USP9X: variants seen among roughly 807,000 people sequenced by gnomAD.
USP9X encodes the protein ubiquitin specific peptidase 9 X-linked.
In USP9X, 7 loss-of-function variants were observed where a neutral mutation model predicts 190.3. That is an observed-to-expected ratio of 0.04 (90% CI 0.02 to 0.07). The LOEUF is 0.07. Among genes scored for constraint, USP9X ranks in the 10% least tolerant of loss-of-function variants. USP9X has a pLI of 1.00. For missense variants in USP9X, 1,010 were observed against 1,916.9 expected (o/e 0.53, Z 8.83); for synonymous variants, 645 against 659.5 (o/e 0.98, Z 0.34).
At position 41,230,560 on chromosome X, in the gene USP9X, A is replaced by G; in HGVS notation, c.7491A>G (p.Pro2497=). The change falls in exon 44 of 45, where the codon CCA becomes CCG. Residue 2497 remains proline, a synonymous_variant. Transcript: ENST00000378308. ...EHESPPPEDA[P]LYPHSPGSQY... ...AGTCGCCTCCACCTGAAGATGCCCC[A>G]TTGTACCCCCATTCACCTGGATCTC... The G allele has an allele frequency of 1.7e-6, 2 of 1,211,221 alleles. No individual in the cohort carries two copies. The highest frequency in any genetic ancestry group is 1.1e-6 in the Non-Finnish European group (1 of 895,162).
intron 38 of USP9X, among the ~76,000 whole-genome samples, chrX:41,219,710 G>A (rs1028842923): frequency 8.9e-6 from 1 of 112,139 alleles, no homozygotes; most frequent in South Asian, 3.7e-4. Context: ...TTTAGGGGCC[G>A]GGCACAATGG....
At chrX:41,197,151 C>T (rs1194803101) in intron 28 of USP9X, among the ~76,000 whole-genome samples, 2 of 111,630 alleles carry the variant, frequency 1.8e-5, no homozygotes, top group African/African-American at 6.5e-5. Context: ...TAGTTTTTAA[C>T]CTTCAAATTA....
chrX:41,177,806 CTT>C (rs2062788496), intron 21 of USP9X, among the ~76,000 whole-genome samples: 1 of 110,800 alleles, frequency 9.0e-6, no homozygotes, highest in Non-Finnish European at 1.9e-5. Context: ...TATGATCACT[CTT>C]ATGGGTTTAT....
intron 3 of USP9X, among the ~76,000 whole-genome samples, chrX:41,130,748 C>T (rs1400737544): frequency 1.9e-4 from 20 of 102,848 alleles, no homozygotes; most frequent in African/African-American, 3.6e-5. Flanking sequence ...CCTTTTGAGA[C>T]GGTGTCTCAC....
At chrX:41,123,823 A>C in intron 2 of USP9X, 99 bp downstream of exon 2, 4 of 810,286 alleles carry the variant, frequency 4.9e-6, no homozygotes, top group South Asian at 5.3e-5. Flanking sequence ...CAGGCAGATC[A>C]CTTGAGGTCA....
intron 12 of USP9X, among the ~76,000 whole-genome samples, chrX:41,150,518 G>A (rs1205577908): frequency 9.0e-6 from 1 of 111,366 alleles, no homozygotes; most frequent in African/African-American, 3.3e-5. Flanking sequence ...CCCATTTAGA[G>A]TAAGTCAGGG....
In USP9X at chrX:41,136,970, A is replaced by T; in HGVS notation, c.602A>T (p.Gln201Leu). The T allele has an allele frequency of 8.3e-7, 1 of 1,211,878 alleles. No individual in the cohort carries two copies. Among genetic ancestry groups the T allele is most frequent in the Non-Finnish European group, 1.1e-6 (1 of 895,500 alleles). The change falls in exon 6 of 45, where the codon CAG becomes CTG. Residue 201 changes from glutamine to leucine, a missense_variant. Gln to Leu is a moderately radical substitution (Grantham distance 113). Transcript: ENST00000378308. ...TGTGAATCAGTTTCCTCAAGTGTTC[A>T]GTTGCCTGAAGATGAACTCTTTGCT... is the stretch of plus-strand genomic sequence containing the variant. Reference protein sequence around the residue: ...RPCESVSSSVQLPEDELFARS... With the variant: ...RPCESVSSSVLLPEDELFARS...
chrX:41,129,912 G>A (rs2062293226), intron 3 of USP9X, among the ~76,000 whole-genome samples: 1 of 111,051 alleles, frequency 9.0e-6, no homozygotes, highest in Non-Finnish European at 1.9e-5. Flanking sequence ...ACTATTAAAT[G>A]CATAATGTGA....
At chrX:41,183,952 T>C (rs772092248) in intron 21 of USP9X, 46 bp from the exon 22 acceptor site, 1 of 1,169,921 alleles carries the variant, frequency 8.5e-7, no homozygotes. Flanking sequence ...TAAATATGTA[T>C]GAACACATGA....
intron 23 of USP9X, 127 bp from the exon 24 acceptor site, chrX:41,186,390 A>G: frequency 6.4e-6 from 5 of 778,950 alleles, no homozygotes; most frequent in Non-Finnish European, 9.2e-6. Context: ...GTAAGTTGCC[A>G]CAGGTTCTAT....
At chrX:41,130,399 T>C (rs1239587434) in intron 3 of USP9X, among the ~76,000 whole-genome samples, 1 of 111,055 alleles carries the variant, frequency 9.0e-6, no homozygotes, top group Non-Finnish European at 1.9e-5. Context: ...AAATACTTCT[T>C]AGGCTAAAGT....
intron 13 of USP9X, among the ~76,000 whole-genome samples, chrX:41,151,437 T>C (rs139436751): frequency 1.9e-3 from 212 of 112,409 alleles, no homozygotes; most frequent in African/African-American, 6.7e-3. Flanking sequence ...TCATAATTTT[T>C]AAACATTTAT....
At chrX:41,111,950 G>A (rs1323228601) in intron 1 of USP9X, among the ~76,000 whole-genome samples, 3 of 108,842 alleles carry the variant, frequency 2.8e-5, no homozygotes, top group Non-Finnish European at 5.7e-5. Flanking sequence ...GGTTCAAGCA[G>A]TTCTCCTGCC....
At chrX:41,227,546 A>G (rs1292219009) in intron 41 of USP9X, among the ~76,000 whole-genome samples, 1 of 111,315 alleles carries the variant, frequency 9.0e-6, no homozygotes, top group Non-Finnish European at 1.9e-5. Context: ...AGTAAAATAC[A>G]TAGTGTATAT....
intron 13 of USP9X, among the ~76,000 whole-genome samples, chrX:41,151,836 C>T (rs772884513): frequency 5.6e-4 from 63 of 112,103 alleles, no homozygotes; most frequent in African/African-American, 1.8e-3. Flanking sequence ...CAAAAATTAG[C>T]CGGGCGTGGT....
rs1242280976 is a variant in USP9X, at chrX:41,120,437, C to A, written c.-158-3034C>A. On this transcript the variant is annotated intron_variant, in intron 1 of 44. Coordinates refer to ENST00000378308, the MANE Select transcript of USP9X (RefSeq NM_001039591.3). ...TCACTTCTATTTCTTTTTGAGAAGT[C>A]TATCTTCATATCTGTTTTTCTACTT... Among the ~76,000 whole-genome samples, 4 of 111,837 alleles carry A rather than the reference C, an allele frequency of 3.6e-5. No individual in the cohort carries two copies. The East Asian group carries it at 8.3e-4, about 23-fold the overall frequency.
chrX:41,223,105 CAAGAT>C, intron 38 of USP9X, 107 bp from the exon 39 acceptor site: 1 of 726,063 alleles, frequency 1.4e-6, no homozygotes, highest in Non-Finnish European at 2.0e-6. Context: ...AAATTATAGA[CAAGAT>C]ATTTTGTATA....
chrX:41,222,319 G>T (rs1321612651), intron 38 of USP9X, among the ~76,000 whole-genome samples: 1 of 110,933 alleles, frequency 9.0e-6, no homozygotes, highest in Non-Finnish European at 1.9e-5. Context: ...ACAAAAAGAG[G>T]TAGAAAGAAA....
chrX:41,195,901 T>G, intron 26 of USP9X: 1 of 352,101 alleles, frequency 2.8e-6, no homozygotes, highest in Non-Finnish European at 5.4e-6. Flanking sequence ...CACAGTTGAA[T>G]AAAAATTCTG....
Sources: allele counts gnomAD v4.1 joint callset (sites outside exome capture counted in the v4.1 genomes callset), GRCh38; gene constraint gnomAD v4.1.1; transcripts MANE v1.5; gene names NCBI Gene and HGNC (gene_info 2026-07-23, HGNC 2026-07-21).